The following KLHDC1 variants were observed in gnomAD, a reference collection of about 807,000 sequenced individuals.
KLHDC1 encodes the protein kelch domain containing 1.
In KLHDC1, 53 loss-of-function variants were observed where a neutral mutation model predicts 68.3. The observed-to-expected ratio is 0.78, with a 90% confidence interval of 0.62 to 0.98. KLHDC1 has a LOEUF of 0.98. Ranked by LOEUF, KLHDC1 falls within the 50% of genes least tolerant of loss-of-function variation. The pLI is 0.00. For missense variants in KLHDC1, 470 were observed against 492.3 expected, an observed-to-expected ratio of 0.95 and a Z score of 0.43; for synonymous variants, 148 against 159.0, an observed-to-expected ratio of 0.93 and a Z score of 0.52.
chr14:49,701,002 G>A (rs926999049), intron 1 of KLHDC1, among the ~76,000 whole-genome samples: 4 of 151,818 alleles, frequency 2.6e-5, no homozygotes, highest in African/African-American at 9.7e-5. Context: ...AGAATTGCTA[G>A]AACTTGGGAG....
intron 12 of KLHDC1, among the ~76,000 whole-genome samples, chr14:49,744,969 A>G (rs1889166514): frequency 6.6e-6 from 1 of 152,128 alleles, no homozygotes; most frequent in Non-Finnish European, 1.5e-5. Context: ...AGTCTGTACA[A>G]AGTTTAGTGG....
intron 12 of KLHDC1, among the ~76,000 whole-genome samples, chr14:49,749,692 A>G (rs867957619): frequency 9.2e-5 from 14 of 151,998 alleles, no homozygotes; most frequent in African/African-American, 2.2e-4. Flanking sequence ...AAAAAAAAAA[A>G]AAAAAGAAAT....
At chr14:49,710,150 A>C in intron 3 of KLHDC1, 113 bp from the exon 4 acceptor site, 2 of 606,778 alleles carry the variant, frequency 3.3e-6, no homozygotes, top group Non-Finnish European at 5.8e-6. Flanking sequence ...AATAGGTAAC[A>C]AGCTTACCTA....
intron 8 of KLHDC1, among the ~76,000 whole-genome samples, chr14:49,731,029 C>G (rs1480416250): frequency 6.6e-6 from 1 of 151,962 alleles, no homozygotes; most frequent in Non-Finnish European, 1.5e-5. Flanking sequence ...CCTGTAATCC[C>G]AGTACTTTGG....
intron 2 of KLHDC1, 87 bp downstream of exon 2, chr14:49,709,316 T>G (rs1383740946): frequency 1.6e-6 from 1 of 607,226 alleles, no homozygotes; most frequent in Admixed American, 3.1e-5. Context: ...GACCATACTT[T>G]GAACATACTG....
At chr14:49,695,812 C>T (rs534395587) in intron 1 of KLHDC1, among the ~76,000 whole-genome samples, 2 of 152,282 alleles carry the variant, frequency 1.3e-5, no homozygotes, top group South Asian at 4.1e-4. Flanking sequence ...CGCCTGTAAT[C>T]CCAGGACTTT....
At chr14:49,730,754 C>A (rs865904216) in intron 8 of KLHDC1, among the ~76,000 whole-genome samples, 1 of 152,158 alleles carries the variant, frequency 6.6e-6, no homozygotes, top group Non-Finnish European at 1.5e-5. Context: ...AGGTGGATCA[C>A]CTGAGGTCAG....
intron 4 of KLHDC1, among the ~76,000 whole-genome samples, chr14:49,714,148 G>A (rs1385901133): frequency 1.3e-5 from 2 of 151,278 alleles, no homozygotes. Flanking sequence ...TGCTCAGCTA[G>A]AATATATAAA....
At chr14:49,725,371 A>C (rs1397212045) in intron 5 of KLHDC1, among the ~76,000 whole-genome samples, 1 of 152,312 alleles carries the variant, frequency 6.6e-6, no homozygotes, top group East Asian at 1.9e-4. Flanking sequence ...CAGATTTTAA[A>C]ATGTAAACAT....
intron 12 of KLHDC1, among the ~76,000 whole-genome samples, chr14:49,749,677 CAAAAA>C (rs1191978580): frequency 1.9e-5 from 1 of 53,790 alleles, no homozygotes. Context: ...GACTCCGTCT[CAAAAA>C]AAAAAAAAAA....
At chr14:49,723,730 G>T in intron 4 of KLHDC1, 144 bp from the exon 5 acceptor site, 1 of 559,666 alleles carries the variant, frequency 1.8e-6, no homozygotes. Flanking sequence ...GTTTATTTAG[G>T]TCTCTTTGTT....
chr14:49,719,449 G>A lies in KLHDC1; in HGVS notation c.405-4425G>A, dbSNP rs182367961. Among the ~76,000 whole-genome samples, 744 of 150,754 alleles carry A rather than the reference G, an allele frequency of 4.9e-3. 3 individuals carry two copies. Among genetic ancestry groups the A allele is most frequent in the African/African-American group, 0.016 (647 of 41,136 alleles). On this transcript the variant is annotated intron_variant, in intron 4 of 12. Coordinates refer to ENST00000359332, the MANE Select transcript of KLHDC1 (RefSeq NM_172193.3). ...ATTTTTATTTATATATATTTTTTGA[G>A]ACAGAGTCTCGCTCTGTTGTCCAGG...
chr14:49,727,645 ATTC>A (rs1398798075), intron 6 of KLHDC1, among the ~76,000 whole-genome samples: 1 of 152,182 alleles, frequency 6.6e-6, no homozygotes, highest in African/African-American at 2.4e-5. Flanking sequence ...TAGTAGAAGA[ATTC>A]TTCCAAAATT....
At chr14:49,695,043 C>A (rs1402675209) in intron 1 of KLHDC1, among the ~76,000 whole-genome samples, 5 of 147,758 alleles carry the variant, frequency 3.4e-5, no homozygotes, top group Admixed American at 3.4e-4. Context: ...TTTCTTAAGA[C>A]AAGACAATGA....
chr14:49,725,868 GAC>G (rs1888659442), intron 6 of KLHDC1, 99 bp downstream of exon 6: 1 of 644,580 alleles, frequency 1.6e-6, no homozygotes, highest in Admixed American at 3.2e-5. Context: ...GTGTTTTTGA[GAC>G]AAAGTCTTGC....
At chr14:49,701,667 C>T (rs1887909963) in intron 1 of KLHDC1, among the ~76,000 whole-genome samples, 1 of 151,036 alleles carries the variant, frequency 6.6e-6, no homozygotes, top group African/African-American at 2.4e-5. Flanking sequence ...ATCAAAAAAA[C>T]AAAAACAAAA....
chr14:49,706,725 A>G (rs766892813), intron 1 of KLHDC1, among the ~76,000 whole-genome samples: 1 of 152,134 alleles, frequency 6.6e-6, no homozygotes, highest in Non-Finnish European at 1.5e-5. Flanking sequence ...CACTTATTTG[A>G]TGATCAGTGA....
intron 4 of KLHDC1, among the ~76,000 whole-genome samples, chr14:49,718,729 A>T (rs1446085847): frequency 6.7e-6 from 1 of 149,394 alleles, no homozygotes; most frequent in Non-Finnish European, 1.5e-5. Context: ...TCAAAGAATC[A>T]ACTTTTGTTT....
chr14:49,709,770 A>G lies in KLHDC1; in HGVS notation c.229A>G (p.Ile77Val). The change falls in exon 3 of 13, where the codon ATT (isoleucine) becomes GTT (valine). Residue 77 changes from isoleucine to valine, a missense_variant. Physicochemically the swap from Ile to Val is conservative, Grantham distance 29 (BLOSUM62 3). Coordinates refer to ENST00000359332, the MANE Select transcript of KLHDC1 (RefSeq NM_172193.3). ...ASMSGSCGAC[I>V]NGKLYIFGGY... ...CATGTCAGGAAGCTGTGGTGCTTGC[A>G]TTAATGGAAAGCTGTACATTTTTGG... The G allele has an allele frequency of 1.2e-6, 2 of 1,604,972 alleles. No homozygotes were observed. Among genetic ancestry groups the G allele is most frequent in the Non-Finnish European group, 1.7e-6 (2 of 1,176,340 alleles).
Sources: allele counts gnomAD v4.1 joint callset (sites outside exome capture counted in the v4.1 genomes callset), GRCh38; gene constraint gnomAD v4.1.1; transcripts MANE v1.5; gene names NCBI Gene and HGNC (gene_info 2026-07-23, HGNC 2026-07-21).